The following TUBGCP4 variants were observed in gnomAD, a reference collection of about 807,000 sequenced individuals.
TUBGCP4 encodes gamma-tubulin complex component 4.
TUBGCP4 carries 54 observed loss-of-function variants against 91.6 expected under a neutral mutation model. The ratio of observed to expected loss-of-function variants is 0.59; its 90% CI spans 0.47 to 0.74. TUBGCP4 has a LOEUF of 0.74. TUBGCP4 is among the 30% of genes least tolerant of loss of function. The pLI is 0.00. For synonymous variants in TUBGCP4, 297 were observed against 302.8 expected, an observed-to-expected ratio of 0.98 and a Z score of 0.20; for missense variants, 593 against 800.9, an observed-to-expected ratio of 0.74 and a Z score of 3.13.
In TUBGCP4 at chr15:43,380,170, C is replaced by CAT. The variant is rs1301438762; in HGVS notation, c.521+8_521+9dup. The CAT allele has an allele frequency of 1.2e-5, 20 of 1,612,452 alleles. No homozygotes were observed. Among genetic ancestry groups the CAT allele is most frequent in the Non-Finnish European group, 1.5e-5 (18 of 1,178,722 alleles). On this transcript the variant is annotated splice_region_variant and intron_variant, in intron 6 of 17. Transcript: ENST00000564079. ...TTCGAAGTGCACTGGAAAAGTAAGT[C>CAT]ATGGCTTAACTGGGAATTGGTGGTG...
rs1217423752 is a variant in TUBGCP4, at chr15:43,407,300, G to A, written c.*2086G>A. On this transcript the variant is annotated 3_prime_UTR_variant, in exon 18 of 18. Transcript: ENST00000564079. ...ATACAAGATCCATGCAAGGAATCCA[G>A]TTACACACAAGACACATTTAAAACC... The A allele has an allele frequency of 2.5e-6, 3 of 1,212,432 alleles. No homozygotes were observed. Among genetic ancestry groups the A allele is most frequent in the Non-Finnish European group, 3.6e-6 (3 of 840,306 alleles). The allele number at this position is 1,212,432 out of a possible 1,614,324, so 75.1% of individuals were successfully genotyped here.
At position 43,398,121 on chromosome 15, in the gene TUBGCP4, CT is replaced by C. The variant is rs766606720; in HGVS notation, c.1363del (p.Ser455ProfsTer28). On this transcript the variant is annotated frameshift_variant, in exon 13 of 18. Transcript: ENST00000564079. LOFTEE classifies it high-confidence loss of function. ...APASGWAALG[L>X]SYKVQWPLHI... Reference sequence around the variant, plus strand: ...TGCATCTGGCTGGGCAGCCCTAGGTCTTTCCTACAAAGTACAGTGGCCACTA... The same window carrying C: ...TGCATCTGGCTGGGCAGCCCTAGGTCTTCCTACAAAGTACAGTGGCCACTA... 6.2e-7 allele frequency: 1 copy of C among 1,614,138 alleles called. No individual in the cohort carries two copies. Among genetic ancestry groups the C allele is most frequent in the South Asian group, 1.1e-5 (1 of 91,080 alleles).
At chr15:43,402,633 T>G (rs1210102722) in intron 15 of TUBGCP4, 1 of 152,194 alleles carries the variant, frequency 6.6e-6, no homozygotes, top group Admixed American at 6.5e-5. Flanking sequence ...ATTTTCAACT[T>G]TGGCTGCACA....
At chr15:43,379,851 G>T (rs768458773) in intron 5 of TUBGCP4, among the ~76,000 whole-genome samples, 3 of 152,164 alleles carry the variant, frequency 2.0e-5, no homozygotes, top group Non-Finnish European at 4.4e-5. Flanking sequence ...AGGGCTTGTG[G>T]AAACACTGAG....
chr15:43,389,488 A>G (rs1409028237), intron 9 of TUBGCP4, among the ~76,000 whole-genome samples: 1 of 152,106 alleles, frequency 6.6e-6, no homozygotes, highest in Non-Finnish European at 1.5e-5. Flanking sequence ...CACCATACCC[A>G]GTCCAGAGCT....
In TUBGCP4 at chr15:43,407,278, C is replaced by G. The variant is rs1200409942; in HGVS notation, c.*2064C>G. On this transcript the variant is annotated 3_prime_UTR_variant, in exon 18 of 18. Transcript: ENST00000564079. The stretch of plus-strand genomic sequence containing the variant: ...AAAGTTCAGCAAATAAAACTATATA[C>G]AAGATCCATGCAAGGAATCCAGTTA... The G allele has an allele frequency of 7.4e-6, 7 of 941,500 alleles. No individual in the cohort carries two copies. The highest frequency in any genetic ancestry group is 9.8e-6 in the Non-Finnish European group (6 of 612,742). 58.3% of individuals were successfully genotyped at this position (941,500 alleles called of 1,614,324 possible).
chr15:43,380,078 CCA>C lies in TUBGCP4; in HGVS notation c.442-3_442-2del. ...ATCCAGTTTGACAAGGCCGTATTTT[CCA>C]CAGATTCATGGTTGTCAAATCCTGG... On this transcript the variant is annotated splice_polypyrimidine_tract_variant and splice_region_variant and intron_variant, in intron 5 of 17. Transcript: ENST00000564079. 6.2e-7 allele frequency: 1 copy of C among 1,613,978 alleles called. No individual in the cohort carries two copies. Among genetic ancestry groups the C allele is most frequent in the Non-Finnish European group, 8.5e-7 (1 of 1,179,866 alleles).
At chr15:43,392,342 CTAAT>C (rs151051493) in intron 9 of TUBGCP4, among the ~76,000 whole-genome samples, 11,543 of 151,796 alleles carry the variant, frequency 0.076, 1,290 homozygotes, top group African/African-American at 0.24. Context: ...CTATATAATT[CTAAT>C]TAATTTTGTT....
chr15:43,402,666 A>G (rs1038746673), intron 15 of TUBGCP4: 1 of 152,204 alleles, frequency 6.6e-6, no homozygotes, highest in African/African-American at 2.4e-5. Context: ...GGACTCTTTA[A>G]AAAAATCTAG....
At chr15:43,377,496 A>AGAT in intron 4 of TUBGCP4, 1 of 301,292 alleles carries the variant, frequency 3.3e-6, no homozygotes, top group Non-Finnish European at 6.1e-6. Context: ...GGTGGCGTGC[A>AGAT]CCTGTAGTCC....
rs1169730349 is a variant in TUBGCP4, at chr15:43,386,250, C to T, written c.934C>T (p.His312Tyr). 3 of 1,606,832 alleles carry T rather than the reference C, an allele frequency of 1.9e-6. No individual in the cohort carries two copies. Among genetic ancestry groups the T allele is most frequent in the South Asian group, 1.1e-5 (1 of 90,706 alleles). Reference sequence around the variant, plus strand: ...GGAAGACACTTTTGCTGCAGAGCTGCACCGTCTCAAGCAGCAGCCACTCTT... The same window carrying T: ...GGAAGACACTTTTGCTGCAGAGCTGTACCGTCTCAAGCAGCAGCCACTCTT... The part of the protein sequence containing the change: ...NQEDTFAAEL[H>Y]RLKQQPLFSL... Residue 312 changes from histidine to tyrosine, a missense_variant, in exon 9 of 18, where the codon CAC becomes TAC. Coordinates refer to ENST00000564079, the MANE Select transcript of TUBGCP4 (RefSeq NM_014444.5).
chr15:43,382,085 G>A lies in TUBGCP4; in HGVS notation c.522-1218G>A, dbSNP rs117701485. 5.1e-4 allele frequency among the ~76,000 whole-genome samples: 78 copies of A among 152,130 alleles called. No homozygotes were observed. The East Asian group carries it at 0.015, about 28-fold the overall frequency. ...CAAAAAAAGTAGGCATGCTGTGTGC[G>A]CCTGTGGGCCCAGCTACTTAGGAGG... On this transcript the variant is annotated intron_variant, in intron 6 of 17. Coordinates refer to ENST00000564079, the MANE Select transcript of TUBGCP4 (RefSeq NM_014444.5).
At chr15:43,391,096 G>C (rs190880051) in intron 9 of TUBGCP4, among the ~76,000 whole-genome samples, 75 of 150,632 alleles carry the variant, frequency 5.0e-4, no homozygotes, top group Admixed American at 4.0e-3. Context: ...TATAATCCTA[G>C]TTCACTGCAG....
intron 8 of TUBGCP4, 43 bp downstream of exon 8, chr15:43,385,999 T>G: frequency 6.2e-7 from 1 of 1,606,016 alleles, no homozygotes; most frequent in South Asian, 1.1e-5. Context: ...TCAAAATCTC[T>G]TCTTCCTTAA....
chr15:43,407,599 G>T lies in TUBGCP4; in HGVS notation c.*2385G>T. The T allele has an allele frequency of 6.3e-7, 1 of 1,591,368 alleles. No homozygotes were observed. The highest frequency in any genetic ancestry group is 8.6e-7 in the Non-Finnish European group (1 of 1,164,952). On this transcript the variant is annotated 3_prime_UTR_variant, in exon 18 of 18. Transcript: ENST00000564079. ...CAAGGAGCAAGGGAAAGTGAAGAAGGAAAGGACACTCAACTTAGCCCTCCA... is the reference window on the plus strand; with the variant it reads ...CAAGGAGCAAGGGAAAGTGAAGAAGTAAAGGACACTCAACTTAGCCCTCCA...
chr15:43,371,419 G>A lies in TUBGCP4; in HGVS notation c.65G>A (p.Arg22Gln). The change falls in exon 1 of 18, where the codon CGG (arginine) becomes CAG (glutamine). Residue 22 changes from arginine to glutamine, a missense_variant. Physicochemically the swap from Arg to Gln is conservative, Grantham distance 43. Transcript: ENST00000564079. ...YPGSIFTWNK[R>Q]SGLQVSQDFP... ...GGGTCCATTTTCACCTGGAACAAGCGGAGTGGCCTGCAGGTACTGTCCGGC... is the reference window on the plus strand; with the variant it reads ...GGGTCCATTTTCACCTGGAACAAGCAGAGTGGCCTGCAGGTACTGTCCGGC... 6.2e-7 allele frequency: 1 copy of A among 1,614,142 alleles called. No individual in the cohort carries two copies.
In TUBGCP4 at chr15:43,406,639, G is replaced by A. The variant is rs1354249146; in HGVS notation, c.*1425G>A. 6 of 455,826 alleles carry A rather than the reference G, an allele frequency of 1.3e-5. No individual in the cohort carries two copies. The highest frequency in any genetic ancestry group is 2.6e-5 in the Non-Finnish European group (6 of 226,752). The allele number at this position is 455,826 out of a possible 1,614,324, so 28.2% of individuals were successfully genotyped here. A position where few individuals can be genotyped will look rare whatever the true frequency, so the allele number is the denominator to read the frequency against. On this transcript the variant is annotated 3_prime_UTR_variant, in exon 18 of 18. Transcript: ENST00000564079. ...TGACCCCTGCTTTAGAGAATGAGAA[G>A]CCATGCAGGGATCAGTGATGCCAGA...
At chr15:43,395,264 T>G in intron 10 of TUBGCP4, 107 bp downstream of exon 10, 1 of 1,248,882 alleles carries the variant, frequency 8.0e-7, no homozygotes. Flanking sequence ...ACTTCCAGAG[T>G]CAACTCATTT....
At position 43,377,084 on chromosome 15, in the gene TUBGCP4, A is replaced by G; in HGVS notation, c.384+17A>G. ...CTAGACCAGGTATGCTGCCCAAATAACCAAATGCCTTGCAATCTGTTGATA... is the reference window on the plus strand; with the variant it reads ...CTAGACCAGGTATGCTGCCCAAATAGCCAAATGCCTTGCAATCTGTTGATA... On this transcript the variant is annotated intron_variant, in intron 4 of 17. Transcript: ENST00000564079. The G allele has an allele frequency of 6.2e-7, 1 of 1,600,838 alleles. No homozygotes were observed. Among genetic ancestry groups the G allele is most frequent in the African/African-American group, 1.3e-5 (1 of 74,776 alleles).
Sources: allele counts gnomAD v4.1 joint callset (sites outside exome capture counted in the v4.1 genomes callset), GRCh38; gene constraint gnomAD v4.1.1; transcripts MANE v1.5; gene names NCBI Gene and HGNC (gene_info 2026-07-23, HGNC 2026-07-21).